The following STPG2 variants were observed in gnomAD, a reference collection of about 807,000 sequenced individuals.
STPG2 encodes sperm-tail PG-rich repeat-containing protein 2.
Under a neutral mutation model 54.2 loss-of-function variants are expected in STPG2, and 56 were observed. The ratio of observed to expected loss-of-function variants is 1.03; its 90% CI spans 0.83 to 1.29. The LOEUF is 1.29. Ranked by LOEUF, STPG2 falls within the 50% of genes most tolerant of loss-of-function variation. STPG2 has a pLI of 0.00. For synonymous variants in STPG2, 200 were observed against 181.8 expected (o/e 1.10, Z -0.81); for missense variants, 596 against 544.9 (o/e 1.09, Z -0.93).
intron 8 of STPG2, among the ~76,000 whole-genome samples, chr4:97,920,085 G>A (rs1732038280): frequency 6.6e-6 from 1 of 152,140 alleles, no homozygotes; most frequent in South Asian, 2.1e-4. Flanking sequence ...GAACAGAAAG[G>A]ACTGCCAAAA....
intron 8 of STPG2, among the ~76,000 whole-genome samples, chr4:97,928,425 G>A (rs1254663933): frequency 6.6e-6 from 1 of 152,132 alleles, no homozygotes; most frequent in Non-Finnish European, 1.5e-5. Context: ...GTACATCATA[G>A]TGCCATTCCA....
At chr4:98,020,450 G>T (rs1038204378) in intron 5 of STPG2, among the ~76,000 whole-genome samples, 2 of 150,826 alleles carry the variant, frequency 1.3e-5, no homozygotes, top group African/African-American at 4.9e-5. Context: ...TTGCCTCAAT[G>T]TTCATCAAGG....
chr4:97,526,124 A>G (rs1365030555), intron 4 of STPG2, among the ~76,000 whole-genome samples: 2 of 152,036 alleles, frequency 1.3e-5, no homozygotes, highest in African/African-American at 2.4e-5. Context: ...CTAATAATAT[A>G]CTTCATGTAG....
intron 5 of STPG2, among the ~76,000 whole-genome samples, chr4:98,020,928 G>A (rs185318227): frequency 0.015 from 2,232 of 151,906 alleles, 55 homozygotes; most frequent in African/African-American, 0.05. Context: ...TATTAGTCTT[G>A]CTAGCAGTCT....
intron 10 of STPG2, among the ~76,000 whole-genome samples, chr4:97,682,001 A>G (rs768358081): frequency 2.6e-5 from 4 of 151,852 alleles, no homozygotes; most frequent in Non-Finnish European, 5.9e-5. Flanking sequence ...ATAATAAGCA[A>G]TATTATTGAA....
chr4:97,641,976 C>G (rs968635980), intron 10 of STPG2, among the ~76,000 whole-genome samples: 1 of 151,446 alleles, frequency 6.6e-6, no homozygotes, highest in Non-Finnish European at 1.5e-5. Flanking sequence ...AACACCTATT[C>G]TTTATTCTCC....
intron 9 of STPG2, among the ~76,000 whole-genome samples, chr4:97,721,196 A>T (rs549311090): frequency 6.6e-6 from 1 of 152,204 alleles, no homozygotes; most frequent in Non-Finnish European, 1.5e-5. Flanking sequence ...TCAAGTAAAA[A>T]CGAATTGCTC....
At chr4:98,138,982 G>A (rs943240425) in intron 1 of STPG2, among the ~76,000 whole-genome samples, 5 of 152,098 alleles carry the variant, frequency 3.3e-5, no homozygotes, top group African/African-American at 1.2e-4. Flanking sequence ...ATTAGTAAAA[G>A]GAGTATGTTT....
intron 7 of STPG2, among the ~76,000 whole-genome samples, chr4:97,965,129 T>C (rs1734046392): frequency 6.6e-6 from 1 of 152,162 alleles, no homozygotes; most frequent in Non-Finnish European, 1.5e-5. Context: ...ATTGTTTCAC[T>C]CCAGCCCAAA....
intron 8 of STPG2, among the ~76,000 whole-genome samples, chr4:97,864,921 C>T (rs1729707017): frequency 6.6e-6 from 1 of 152,126 alleles, no homozygotes; most frequent in African/African-American, 2.4e-5. Context: ...CCCTTCCTTA[C>T]ACCTTATACA....
chr4:97,779,041 G>A (rs1298074954), intron 9 of STPG2, among the ~76,000 whole-genome samples: 1 of 152,160 alleles, frequency 6.6e-6, no homozygotes, highest in Non-Finnish European at 1.5e-5. Flanking sequence ...CCCTGCAAAG[G>A]AACACAGCTC....
chr4:98,068,140 C>T (rs1737890176), intron 5 of STPG2, among the ~76,000 whole-genome samples: 2 of 152,132 alleles, frequency 1.3e-5, no homozygotes, highest in Non-Finnish European at 1.5e-5. Flanking sequence ...ATCCTATCCC[C>T]CTTGCCACCA....
intron 10 of STPG2, among the ~76,000 whole-genome samples, chr4:97,677,770 GA>G (rs1407350849): frequency 6.6e-6 from 1 of 152,134 alleles, no homozygotes; most frequent in African/African-American, 2.4e-5. Flanking sequence ...TGAGCTGGCT[GA>G]AGCCCATGAT....
chr4:97,706,123 C>T (rs1482231787), intron 10 of STPG2, among the ~76,000 whole-genome samples: 2 of 151,938 alleles, frequency 1.3e-5, no homozygotes, highest in Non-Finnish European at 2.9e-5. Flanking sequence ...TCTTTTTATT[C>T]GTAAGTAGTG....
intron 9 of STPG2, among the ~76,000 whole-genome samples, chr4:97,832,203 G>A (rs927650189): frequency 6.6e-6 from 1 of 152,156 alleles, no homozygotes; most frequent in African/African-American, 2.4e-5. Flanking sequence ...TGGGATGCAA[G>A]GCTGGTTCAA....
chr4:97,501,600 C>T (rs1356226045), intron 4 of STPG2, among the ~76,000 whole-genome samples: 1 of 151,484 alleles, frequency 6.6e-6, no homozygotes, highest in Non-Finnish European at 1.5e-5. Context: ...GAGACTGAGG[C>T]AGGAGGATTG....
chr4:97,531,367 A>G (rs988441871), intron 4 of STPG2, among the ~76,000 whole-genome samples: 18 of 152,208 alleles, frequency 1.2e-4, no homozygotes, highest in Non-Finnish European at 2.5e-4. Flanking sequence ...ATATCCCTAA[A>G]AGAAAGGAAA....
At chr4:97,496,986 CTTT>C (rs370800861) in intron 4 of STPG2, among the ~76,000 whole-genome samples, 4 of 136,074 alleles carry the variant, frequency 2.9e-5, no homozygotes, top group Admixed American at 1.5e-4. Context: ...CCATCTTTTC[CTTT>C]TTTTTTTTTT....
At chr4:98,101,008 A>T (rs1353977313) in intron 5 of STPG2, among the ~76,000 whole-genome samples, 1 of 151,750 alleles carries the variant, frequency 6.6e-6, no homozygotes, top group African/African-American at 2.4e-5. Flanking sequence ...CAGGAGAGGT[A>T]CTCCAAAGTG....
Sources: gnomAD v4.1 joint callset for allele counts (sites outside exome capture counted in the v4.1 genomes callset) on GRCh38, gnomAD v4.1.1 for gene constraint, MANE v1.5 for transcripts, NCBI Gene and HGNC (gene_info 2026-07-23, HGNC 2026-07-21) for gene names.